ARHGAP32: variants seen among roughly 807,000 people sequenced by gnomAD.
The protein encoded by ARHGAP32 is Rho GTPase activating protein 32.
Under a neutral mutation model 186.5 loss-of-function variants are expected in ARHGAP32, and 51 were observed. The ratio of observed to expected loss-of-function variants is 0.27; its 90% CI spans 0.22 to 0.35. The LOEUF (loss-of-function observed/expected upper bound fraction) is 0.35. Among genes scored for constraint, ARHGAP32 ranks in the 10% least tolerant of loss-of-function variants. ARHGAP32 has a pLI of 1.00. For missense variants in ARHGAP32, 2,186 were observed against 2,623.5 expected, an observed-to-expected ratio of 0.83 and a Z score of 3.64; for synonymous variants, 950 against 964.3, an observed-to-expected ratio of 0.99 and a Z score of 0.27.
chr11:129,128,321 G>T lies in ARHGAP32; in HGVS notation c.226-3427C>A, dbSNP rs1339685325. Among the ~76,000 whole-genome samples, 6 of 152,238 alleles carry T rather than the reference G, an allele frequency of 3.9e-5. No homozygotes were observed. In the East Asian group the frequency reaches 5.8e-4, roughly 15 times the overall value. On this transcript the variant is annotated intron_variant, in intron 2 of 22. Coordinates refer to ENST00000682385, the MANE Select transcript of ARHGAP32 (RefSeq NM_001378024.1). ...CATTCATCAAGAGGATAAATTCCTT[G>T]AGCATGAAGCCAATGGAATAACATG...
intron 2 of ARHGAP32, among the ~76,000 whole-genome samples, chr11:129,148,447 T>C (rs1943217433): frequency 6.6e-6 from 1 of 152,102 alleles, no homozygotes; most frequent in East Asian, 1.9e-4. Context: ...TGAGAGGAAG[T>C]GACTTGCATG....
chr11:129,010,601 T>C (rs1452252238), intron 11 of ARHGAP32, among the ~76,000 whole-genome samples: 1 of 152,204 alleles, frequency 6.6e-6, no homozygotes, highest in Non-Finnish European at 1.5e-5. Context: ...CAGATGGTTG[T>C]AGGTGTGCAA....
chr11:129,042,191 C>T (rs190550693), intron 10 of ARHGAP32, among the ~76,000 whole-genome samples: 8 of 152,242 alleles, frequency 5.3e-5, no homozygotes, highest in African/African-American at 1.9e-4. Context: ...CATTCTGTCA[C>T]CCAGGCTGGA....
intron 2 of ARHGAP32, among the ~76,000 whole-genome samples, chr11:129,143,282 A>G (rs917231440): frequency 1.3e-5 from 2 of 152,104 alleles, no homozygotes; most frequent in Non-Finnish European, 2.9e-5. Context: ...TGTAGGGGAA[A>G]TCCAATAAGT....
At chr11:129,209,688 A>C (rs183303754) in intron 1 of ARHGAP32, among the ~76,000 whole-genome samples, 3 of 152,140 alleles carry the variant, frequency 2.0e-5, no homozygotes, top group Admixed American at 6.6e-5. Flanking sequence ...AAAATTGTAA[A>C]AAGTTCTGAA....
In ARHGAP32 at chr11:129,168,162, C is replaced by T. The variant is rs1943677055; in HGVS notation, c.117-3735G>A. Among the ~76,000 whole-genome samples the T allele has an allele frequency of 2.6e-5, 4 of 152,308 alleles. No homozygotes were observed. The South Asian group carries it at 8.3e-4, about 32-fold the overall frequency. On this transcript the variant is annotated intron_variant, in intron 1 of 22. Transcript: ENST00000682385. Reference sequence around the variant, plus strand: ...TCCACAGGCTGAGGTGAGAAGATCACCTGAGCCCAGGATGTCGAGGCTGCA... The same window carrying T: ...TCCACAGGCTGAGGTGAGAAGATCATCTGAGCCCAGGATGTCGAGGCTGCA...
At chr11:129,034,822 A>G (rs1358112689) in intron 11 of ARHGAP32, among the ~76,000 whole-genome samples, 2 of 145,346 alleles carry the variant, frequency 1.4e-5, no homozygotes, top group Non-Finnish European at 3.0e-5. Flanking sequence ...TGTCTCAAAA[A>G]AAAGAAAAAG....
Position 128,968,639 on chromosome 11 carries a change from G to C in ARHGAP32, c.*268C>G, listed in dbSNP as rs1945271607. On this transcript the variant is annotated 3_prime_UTR_variant, in exon 23 of 23. Transcript: ENST00000682385. ...TAGCCCTAGATGGCAAGTGTGTCCT[G>C]AGACAGGTTTCTCTACTGGGTTTCA... is the stretch of plus-strand genomic sequence containing the variant. The C allele has an allele frequency of 3.4e-6, 1 of 291,428 alleles. No individual in the cohort carries two copies. Among genetic ancestry groups the C allele is most frequent in the Non-Finnish European group, 6.3e-6 (1 of 159,564 alleles). 18.1% of individuals were successfully genotyped at this position (291,428 alleles called of 1,614,324 possible).
intron 2 of ARHGAP32, among the ~76,000 whole-genome samples, chr11:129,156,045 C>T (rs573747438): frequency 2.1e-4 from 32 of 152,064 alleles, no homozygotes; most frequent in African/African-American, 6.5e-4. Flanking sequence ...CCGTGAGAAA[C>T]GGTGCATTCT....
At chr11:129,227,378 CA>C (rs1377635565) in intron 1 of ARHGAP32, among the ~76,000 whole-genome samples, 2 of 150,786 alleles carry the variant, frequency 1.3e-5, no homozygotes, top group African/African-American at 2.4e-5. Flanking sequence ...ACATAGAAAA[CA>C]AATGGCAAAA....
rs1286030704 is a variant in ARHGAP32 at position 128,965,825 on chromosome 11, G to A, written c.*3082C>T. On this transcript the variant is annotated 3_prime_UTR_variant, in exon 23 of 23. Coordinates refer to ENST00000682385, the MANE Select transcript of ARHGAP32 (RefSeq NM_001378024.1). The stretch of plus-strand genomic sequence containing the variant: ...GGCAAATTTCAAATTTACATCGTTT[G>A]CATCTATTACTGCTCCAAATGTGGT... The A allele has an allele frequency of 6.6e-6, 1 of 152,182 alleles. No individual in the cohort carries two copies. The highest frequency in any genetic ancestry group is 2.4e-5 in the African/African-American group (1 of 41,438). 9.4% of individuals were successfully genotyped at this position (152,182 alleles called of 1,614,324 possible). A position where few individuals can be genotyped will look rare whatever the true frequency, so the allele number is the denominator to read the frequency against.
chr11:128,974,723 C>G lies in ARHGAP32; in HGVS notation c.2474G>C (p.Cys825Ser). The G allele has an allele frequency of 6.2e-7, 1 of 1,614,230 alleles. No individual in the cohort carries two copies. The highest frequency in any genetic ancestry group is 8.5e-7 in the Non-Finnish European group (1 of 1,180,042). ...QCSPPKAESE[C>S]LESGASFLDS... ...TAAAAAGGAAGCACCACTCTCCAGA[C>G]ATTCTGATTCGGCCTTAGGAGGACT... The change falls in exon 21 of 23, where the codon TGT (cysteine) becomes TCT (serine). Residue 825 changes from cysteine (C) to serine (S), a missense_variant. Transcript: ENST00000682385.
chr11:129,097,787 TA>T (rs1211974921), intron 5 of ARHGAP32, among the ~76,000 whole-genome samples: 1 of 152,046 alleles, frequency 6.6e-6, no homozygotes, highest in Non-Finnish European at 1.5e-5. Flanking sequence ...CCAAATTTGA[TA>T]AAAGACATGA....
chr11:129,193,967 T>A (rs1944356775), upstream of ARHGAP32, among the ~76,000 whole-genome samples: 1 of 150,782 alleles, frequency 6.6e-6, no homozygotes, highest in Non-Finnish European at 1.5e-5. Flanking sequence ...AGCAAAAATA[T>A]AATACTCAGA....
At chr11:129,164,712 C>T (rs190515270) in intron 1 of ARHGAP32, among the ~76,000 whole-genome samples, 4 of 152,302 alleles carry the variant, frequency 2.6e-5, no homozygotes, top group Admixed American at 2.0e-4. Context: ...CAGTTCAACA[C>T]AATTTGAACC....
At chr11:128,999,606 C>T (rs543627745) in intron 11 of ARHGAP32, among the ~76,000 whole-genome samples, 29 of 152,222 alleles carry the variant, frequency 1.9e-4, no homozygotes, top group Non-Finnish European at 3.5e-4. Flanking sequence ...CGGAACCTGC[C>T]GACATGTGAT....
chr11:129,209,550 G>T (rs1944554382), intron 1 of ARHGAP32, among the ~76,000 whole-genome samples: 1 of 152,028 alleles, frequency 6.6e-6, no homozygotes, highest in African/African-American at 2.4e-5. Flanking sequence ...CTTGACAGGA[G>T]CTGAATTCTT....
At chr11:129,154,431 A>G (rs547625043) in intron 2 of ARHGAP32, among the ~76,000 whole-genome samples, 3 of 152,334 alleles carry the variant, frequency 2.0e-5, no homozygotes, top group African/African-American at 7.2e-5. Flanking sequence ...ACTTGCATGC[A>G]CATGTTTATT....
chr11:129,025,651 G>T (rs954590791), intron 11 of ARHGAP32, among the ~76,000 whole-genome samples: 9 of 151,808 alleles, frequency 5.9e-5, no homozygotes, highest in Non-Finnish European at 1.3e-4. Context: ...AAACAAAAGA[G>T]AGAGAGGAAG....
Sources: gnomAD v4.1 joint callset for allele counts (sites outside exome capture counted in the v4.1 genomes callset) on GRCh38, gnomAD v4.1.1 for gene constraint, MANE v1.5 for transcripts, NCBI Gene and HGNC (gene_info 2026-07-23, HGNC 2026-07-21) for gene names.